XKR6: variants seen among roughly 807,000 people sequenced by gnomAD.
XKR6 encodes the protein XK related 6.
Under a neutral mutation model 56.7 loss-of-function variants are expected in XKR6, and 22 were observed. The observed-to-expected ratio is 0.39, with a 90% confidence interval of 0.28 to 0.55. The LOEUF is 0.55. Ranked by LOEUF, XKR6 falls within the 20% of genes least tolerant of loss-of-function variation. The pLI, the probability that XKR6 is intolerant of heterozygous loss-of-function variation, is 0.66. For synonymous variants in XKR6, 524 were observed against 387.8 expected (o/e 1.35, Z -4.13); for missense variants, 852 against 889.0 (o/e 0.96, Z 0.53).
intron 1 of XKR6, among the ~76,000 whole-genome samples, chr8:11,199,153 G>C (rs1252602145): frequency 6.6e-6 from 1 of 152,112 alleles, no homozygotes; most frequent in African/African-American, 2.4e-5. Flanking sequence ...AATGCAGCTA[G>C]AAAAAAAGCT....
Position 10,926,663 on chromosome 8 carries a change from G to A in XKR6, c.765-1833C>T, listed in dbSNP as rs112157413. Among the ~76,000 whole-genome samples, 1,345 of 152,380 alleles carry A rather than the reference G, an allele frequency of 8.8e-3. 8 individuals carry two copies. The highest frequency in any genetic ancestry group is 0.013 in the Non-Finnish European group (892 of 68,040). ...TCTCTTGGGGTCCCTGGCCCACCTT[G>A]CGGGTCAGGTCTGGTTATCACCATT... On this transcript the variant is annotated intron_variant, in intron 1 of 2. Transcript: ENST00000416569.
Position 10,898,896 on chromosome 8 carries a change from G to C in XKR6, c.982C>G (p.Leu328Val). The change falls in exon 3 of 3, where the codon CTG becomes GTG. Residue 328 changes from leucine to valine, a missense_variant. This residue lies in a region of XKR6 where 199 missense variants were observed against 280.4 expected (regional missense o/e 0.71). Coordinates refer to ENST00000416569, the MANE Select transcript of XKR6 (RefSeq NM_173683.4). The surrounding 1 kb of genome is among the most constrained non-coding windows in gnomAD (Gnocchi z 6.6). The stretch of plus-strand genomic sequence containing the variant: ...GCTAGCACCCAAGCCAGGGACATCA[G>C]GGAAGTCACAGAGGAGACACCTGCC... ...TLPCVSSVTS[L>V]MSLAWVLASY... is the part of the protein sequence containing the mutation. 6.2e-7 allele frequency: 1 copy of C among 1,609,766 alleles called. No individual in the cohort carries two copies. The highest frequency in any genetic ancestry group is 8.5e-7 in the Non-Finnish European group (1 of 1,177,594).
At position 10,950,619 on chromosome 8, in the gene XKR6, C is replaced by A. The variant is rs891991958; in HGVS notation, c.765-25789G>T. ...CCACAACAGTTTTAGACTGAAAACC[C>A]CTGACAAGAACAGAAAACCTAGTCT... On this transcript the variant is annotated intron_variant, in intron 1 of 2. Coordinates refer to ENST00000416569, the MANE Select transcript of XKR6 (RefSeq NM_173683.4). 2.6e-5 allele frequency among the ~76,000 whole-genome samples: 4 copies of A among 152,280 alleles called. No individual in the cohort carries two copies. In the East Asian group the frequency reaches 7.7e-4, roughly 29 times the overall value.
At chr8:11,176,884 C>A (rs1012488642) in intron 1 of XKR6, among the ~76,000 whole-genome samples, 1 of 152,200 alleles carries the variant, frequency 6.6e-6, no homozygotes, top group Non-Finnish European at 1.5e-5. Context: ...GCCCCTGCCA[C>A]CAGAGCAACA....
intron 1 of XKR6, among the ~76,000 whole-genome samples, chr8:11,084,759 C>A (rs1028918191): frequency 2.1e-4 from 32 of 152,188 alleles, no homozygotes; most frequent in Admixed American, 3.3e-4. Context: ...TCCCAAGGCT[C>A]AGAGAAGGTT....
intron 1 of XKR6, 97 bp from the exon 2 acceptor site, chr8:10,924,927 C>A (rs560197300): frequency 2.3e-6 from 3 of 1,318,846 alleles, no homozygotes; most frequent in South Asian, 1.4e-5. Context: ...ACTCAGCATC[C>A]CCCCAACTCC....
intron 1 of XKR6, chr8:11,195,211 G>T (rs1458928606): frequency 1.4e-6 from 1 of 702,464 alleles, no homozygotes; most frequent in Non-Finnish European, 2.6e-6. Flanking sequence ...GGTACCAAAG[G>T]GTCTTGCCCA....
At chr8:10,949,068 G>A (rs1801636608) in intron 1 of XKR6, among the ~76,000 whole-genome samples, 1 of 152,196 alleles carries the variant, frequency 6.6e-6, no homozygotes, top group Non-Finnish European at 1.5e-5. Flanking sequence ...GTCCTCTCCT[G>A]TCAATGACTC....
intron 1 of XKR6, among the ~76,000 whole-genome samples, chr8:11,004,866 A>G (rs1368623462): frequency 6.6e-6 from 1 of 152,236 alleles, no homozygotes; most frequent in Non-Finnish European, 1.5e-5. Context: ...TAAAAAGGAA[A>G]GAAATTCTGG....
intron 1 of XKR6, chr8:11,137,549 C>T (rs1382349178): frequency 6.6e-6 from 3 of 456,134 alleles, no homozygotes; most frequent in African/African-American, 4.0e-5. Context: ...CCCATCACCC[C>T]AGTGTTCTGG....
chr8:11,132,805 A>G (rs1325298793), intron 1 of XKR6, among the ~76,000 whole-genome samples: 2 of 141,310 alleles, frequency 1.4e-5, no homozygotes, highest in African/African-American at 5.2e-5. Context: ...TTTTTCTTGG[A>G]AGACTTTTTT....
chr8:11,048,258 C>G (rs1370545222), intron 1 of XKR6, among the ~76,000 whole-genome samples: 1 of 152,124 alleles, frequency 6.6e-6, no homozygotes, highest in Non-Finnish European at 1.5e-5. Context: ...GGAATCCGGC[C>G]CTTGTTTCTC....
chr8:11,073,654 T>C (rs1224092424), intron 1 of XKR6, among the ~76,000 whole-genome samples: 2 of 152,174 alleles, frequency 1.3e-5, no homozygotes, highest in African/African-American at 2.4e-5. Context: ...TCATCAATAA[T>C]AGAGAATTAA....
intron 1 of XKR6, among the ~76,000 whole-genome samples, chr8:11,098,901 C>G (rs1046480136): frequency 6.6e-6 from 1 of 151,888 alleles, no homozygotes; most frequent in Non-Finnish European, 1.5e-5. Context: ...TGGAACATTC[C>G]CCCATGGAAA....
At chr8:11,016,241 G>T (rs1001802736) in intron 1 of XKR6, among the ~76,000 whole-genome samples, 1 of 152,184 alleles carries the variant, frequency 6.6e-6, no homozygotes, top group Non-Finnish European at 1.5e-5. Flanking sequence ...CCCTGACGCG[G>T]AGGTTGGCCG....
At chr8:11,105,233 T>A (rs899634698) in intron 1 of XKR6, 1 of 152,204 alleles carries the variant, frequency 6.6e-6, no homozygotes, top group Non-Finnish European at 1.5e-5. Context: ...TAAAAAAGAA[T>A]GTATATCTTT....
intron 1 of XKR6, among the ~76,000 whole-genome samples, chr8:11,196,415 AAAC>A (rs1369845792): frequency 2.7e-5 from 4 of 148,772 alleles, no homozygotes; most frequent in African/African-American, 1.0e-4. Context: ...CTCAAAAAGC[AAAC>A]AAAACAAAAC....
At chr8:11,022,373 T>C (rs1389705024) in intron 1 of XKR6, among the ~76,000 whole-genome samples, 1 of 152,140 alleles carries the variant, frequency 6.6e-6, no homozygotes, top group Non-Finnish European at 1.5e-5. Context: ...CAGGTACTTA[T>C]GCTCTACCTG....
At chr8:10,932,536 T>A (rs1334064298) in intron 1 of XKR6, among the ~76,000 whole-genome samples, 1 of 140,948 alleles carries the variant, frequency 7.1e-6, no homozygotes, top group Non-Finnish European at 1.5e-5. Context: ...TAACTCGTCA[T>A]CTAGCCTTAG....
Sources: allele counts gnomAD v4.1 joint callset (sites outside exome capture counted in the v4.1 genomes callset), GRCh38; gene constraint gnomAD v4.1.1; regional missense constraint gnomAD v4.1.1; non-coding constraint Gnocchi (gnomAD v3.1); transcripts MANE v1.5; gene names NCBI Gene and HGNC (gene_info 2026-07-23, HGNC 2026-07-21).